Variants in DMRT1 observed in about 807,000 individuals in gnomAD.
The protein encoded by DMRT1 is doublesex and mab-3 related transcription factor 1.
In DMRT1, 7 loss-of-function variants were observed where a neutral mutation model predicts 32.3. The observed-to-expected ratio is 0.22, with a 90% CI of 0.12 to 0.41. The LOEUF (loss-of-function observed/expected upper bound fraction) is 0.41. Among genes scored for constraint, DMRT1 ranks in the 10% least tolerant of loss-of-function variants. DMRT1 has a pLI of 1.00. For synonymous variants in DMRT1, 278 were observed against 206.1 expected, an observed-to-expected ratio of 1.35 and a Z score of -2.99; for missense variants, 625 against 500.5, an observed-to-expected ratio of 1.25 and a Z score of -2.37.
chr9:901,569 C>A (rs142211386), intron 3 of DMRT1, among the ~76,000 whole-genome samples: 2 of 150,300 alleles, frequency 1.3e-5, no homozygotes, highest in Admixed American at 6.6e-5. Flanking sequence ...TCAGGTGATC[C>A]GCCTGCCTTG....
chr9:916,540 T>C (rs1818189411), intron 3 of DMRT1, among the ~76,000 whole-genome samples: 1 of 152,090 alleles, frequency 6.6e-6, no homozygotes, highest in Non-Finnish European at 1.5e-5. Context: ...CCAAACAATT[T>C]TTTGATTTTT....
In DMRT1 at chr9:965,029, A is replaced by G. The variant is rs1348008110; in HGVS notation, c.968-2956A>G. ...TTAGATTTTTGAATTTTTAATTGGTATGAAATAATTTACAACGGTCAACTA... is the reference window on the plus strand; with the variant it reads ...TTAGATTTTTGAATTTTTAATTGGTGTGAAATAATTTACAACGGTCAACTA... On this transcript the variant is annotated intron_variant, in intron 4 of 4. Transcript: ENST00000382276. The surrounding 1 kb of genome is among the most constrained non-coding windows in gnomAD (Gnocchi z 4.5). 6.6e-6 allele frequency among the ~76,000 whole-genome samples: 1 copy of G among 152,238 alleles called. No individual in the cohort carries two copies. Among genetic ancestry groups the G allele is most frequent in the Non-Finnish European group, 1.5e-5 (1 of 68,042 alleles).
At chr9:903,619 C>A (rs564137405) in intron 3 of DMRT1, among the ~76,000 whole-genome samples, 8 of 152,260 alleles carry the variant, frequency 5.3e-5, no homozygotes, top group African/African-American at 1.9e-4. Context: ...GAAGTTTAGC[C>A]GCTGAGCCCA....
chr9:886,149 C>T (rs1197317478), intron 2 of DMRT1, among the ~76,000 whole-genome samples: 1 of 152,204 alleles, frequency 6.6e-6, no homozygotes, highest in Non-Finnish European at 1.5e-5. Context: ...TGTTACAGTG[C>T]ACACAAGCCA....
chr9:859,219 C>A (rs899799024), intron 2 of DMRT1, among the ~76,000 whole-genome samples: 8 of 152,106 alleles, frequency 5.3e-5, no homozygotes, highest in African/African-American at 1.9e-4. Flanking sequence ...TGACTTCTTC[C>A]TTTGTTTTAA....
chr9:931,122 C>G (rs1818711924), intron 4 of DMRT1, among the ~76,000 whole-genome samples: 1 of 152,124 alleles, frequency 6.6e-6, no homozygotes, highest in African/African-American at 2.4e-5. Flanking sequence ...AATATGTGGT[C>G]TTTTGTGTCC....
At chr9:931,094 G>A (rs1005563543) in intron 4 of DMRT1, among the ~76,000 whole-genome samples, 1 of 152,048 alleles carries the variant, frequency 6.6e-6, no homozygotes, top group Non-Finnish European at 1.5e-5. Context: ...TGGACTTTTT[G>A]TATAAATGGG....
chr9:897,357 C>A (rs977691885), intron 3 of DMRT1, among the ~76,000 whole-genome samples: 1 of 151,706 alleles, frequency 6.6e-6, no homozygotes, highest in African/African-American at 2.4e-5. Flanking sequence ...ACCTCGTGAT[C>A]CACCAGCCTC....
chr9:927,000 A>T (rs1223311594), intron 4 of DMRT1, among the ~76,000 whole-genome samples: 1 of 152,168 alleles, frequency 6.6e-6, no homozygotes, highest in Non-Finnish European at 1.5e-5. Context: ...CCCTCCTTGG[A>T]TGTGACACTA....
chr9:872,267 TG>T (rs1816303968), intron 2 of DMRT1, among the ~76,000 whole-genome samples: 1 of 151,974 alleles, frequency 6.6e-6, no homozygotes. Flanking sequence ...TTCACCATGT[TG>T]GCCAGGCTGG....
At chr9:925,509 A>C (rs932116952) in intron 4 of DMRT1, among the ~76,000 whole-genome samples, 3 of 152,122 alleles carry the variant, frequency 2.0e-5, no homozygotes, top group Non-Finnish European at 4.4e-5. Context: ...AACAGAGAGG[A>C]TGGGTGTGCA....
intron 4 of DMRT1, among the ~76,000 whole-genome samples, chr9:933,576 G>A (rs560622922): frequency 5.5e-4 from 84 of 152,286 alleles, no homozygotes; most frequent in African/African-American, 1.9e-3. Context: ...TGTCAAACCA[G>A]CATTGAACCC....
intron 4 of DMRT1, among the ~76,000 whole-genome samples, chr9:957,094 G>A (rs184895993): frequency 4.6e-5 from 7 of 152,226 alleles, no homozygotes; most frequent in African/African-American, 1.7e-4. Context: ...TTCAACCCTT[G>A]CCTCCCCGCC....
chr9:948,833 A>G (rs1232744422), intron 4 of DMRT1, among the ~76,000 whole-genome samples: 1 of 151,722 alleles, frequency 6.6e-6, no homozygotes, highest in Admixed American at 6.6e-5. Flanking sequence ...AAGTGGATGG[A>G]TCACTTGAGG....
rs554378130 is a variant in DMRT1 at position 841,958 on chromosome 9, G to T, written c.120G>T (p.Gly40=). 2.6e-4 allele frequency: 415 copies of T among 1,593,948 alleles called. 2 individuals carry two copies. In the South Asian group the frequency reaches 4.4e-3, roughly 17 times the overall value. The change falls in exon 1 of 5, where the codon GGG becomes GGT. Residue 40 remains glycine (G), a synonymous_variant. Coordinates refer to ENST00000382276, the MANE Select transcript of DMRT1 (RefSeq NM_021951.3). Reference sequence around the variant, plus strand: ...GCAAAGCGTCTGGGGCGCTAGTGGGGGCGGCCAGCGGCTCGAGCGCCGGGG... The same window carrying T: ...GCAAAGCGTCTGGGGCGCTAGTGGGTGCGGCCAGCGGCTCGAGCGCCGGGG... The part of the protein sequence containing the change: ...GFGKASGALV[G]AASGSSAGGS...
chr9:900,384 T>G (rs750543983), intron 3 of DMRT1, among the ~76,000 whole-genome samples: 1 of 152,024 alleles, frequency 6.6e-6, no homozygotes, highest in Non-Finnish European at 1.5e-5. Flanking sequence ...CCCCTTTTTT[T>G]GTTGTTTTTT....
At chr9:927,733 C>T (rs1818575136) in intron 4 of DMRT1, among the ~76,000 whole-genome samples, 1 of 152,188 alleles carries the variant, frequency 6.6e-6, no homozygotes, top group Admixed American at 6.5e-5. Flanking sequence ...TTTTATGTGC[C>T]TTCCAAATTG....
At chr9:923,994 G>A (rs1386378728) in intron 4 of DMRT1, among the ~76,000 whole-genome samples, 1 of 152,060 alleles carries the variant, frequency 6.6e-6, no homozygotes, top group Non-Finnish European at 1.5e-5. Context: ...TGAATGGAAG[G>A]GCATTGGAAC....
At chr9:946,454 A>T (rs1819249053) in intron 4 of DMRT1, among the ~76,000 whole-genome samples, 1 of 152,048 alleles carries the variant, frequency 6.6e-6, no homozygotes, top group Admixed American at 6.6e-5. Context: ...GTGCCAGGTA[A>T]CTGGACCATT....
Sources: gnomAD v4.1 joint callset for allele counts (sites outside exome capture counted in the v4.1 genomes callset) on GRCh38, gnomAD v4.1.1 for gene constraint, Gnocchi (gnomAD v3.1) non-coding constraint, MANE v1.5 for transcripts, NCBI Gene and HGNC (gene_info 2026-07-23, HGNC 2026-07-21) for gene names.